The following GPAT3 variants were observed in gnomAD, a reference collection of about 807,000 sequenced individuals.
GPAT3 encodes glycerol-3-phosphate acyltransferase 3.
In GPAT3, 53 loss-of-function variants were observed where a neutral mutation model predicts 58.8. The observed-to-expected ratio is 0.90, with a 90% confidence interval of 0.72 to 1.13. The LOEUF is 1.13. GPAT3 is among the 50% of genes most tolerant of loss of function. The probability of loss-of-function intolerance (pLI) is 0.00; values close to 1 mark genes in which losing one functional copy is unlikely to be tolerated. For synonymous variants in GPAT3, 197 were observed against 187.4 expected, an observed-to-expected ratio of 1.05 and a Z score of -0.42; for missense variants, 511 against 527.6, an observed-to-expected ratio of 0.97 and a Z score of 0.31.
intron 2 of GPAT3, among the ~76,000 whole-genome samples, chr4:83,564,429 T>A (rs978743297): frequency 6.6e-6 from 1 of 152,146 alleles, no homozygotes; most frequent in African/African-American, 2.4e-5. Context: ...GTGGGTGTAG[T>A]AGTTCATGCC....
Position 83,562,236 on chromosome 4 carries a change from A to ATATATATATATAATATATATATT in GPAT3, c.208+17634_208+17635insTATATATATATAATATATATATT, listed in dbSNP as rs1189594840. 4.0e-5 allele frequency among the ~76,000 whole-genome samples: 3 copies of ATATATATATATAATATATATATT among 74,124 alleles called. No individual in the cohort carries two copies. The South Asian group carries it at 1.4e-3, about 34-fold the overall frequency. 48.6% of individuals were successfully genotyped at this position (74,124 alleles called of 152,430 possible). ...TTATATATATATATAATATATATAT[A>ATATATATATATAATATATATATT]ATATATATATATAAAATATAGTTTG... On this transcript the variant is annotated intron_variant, in intron 2 of 11. Transcript: ENST00000264409.
intron 2 of GPAT3, among the ~76,000 whole-genome samples, chr4:83,579,020 T>C (rs1297179297): frequency 8.9e-5 from 1 of 11,240 alleles, no homozygotes; most frequent in Admixed American, 1.2e-3. Context: ...TTCTTTCCCT[T>C]TCTTTCTTTC....
rs764042289 is a variant in GPAT3 at position 83,594,952 on chromosome 4, T to C, written c.846T>C (p.Val282=). 6.2e-7 allele frequency: 1 copy of C among 1,613,580 alleles called. No individual in the cohort carries two copies. Among genetic ancestry groups the C allele is most frequent in the Non-Finnish European group, 8.5e-7 (1 of 1,179,572 alleles). ...ERSEMKDRHL[V]TKRLKEHIAD... ...CAGAAATGAAGGATCGACACCTGGT[T>C]ACTAAGAGGTAAGCAGTGAAATTAC... The change falls in exon 7 of 12, where the codon GTT becomes GTC. Residue 282 remains valine, a synonymous_variant. Coordinates refer to ENST00000264409, the MANE Select transcript of GPAT3 (RefSeq NM_032717.5).
intron 7 of GPAT3, among the ~76,000 whole-genome samples, chr4:83,596,197 T>G (rs541656285): frequency 2.6e-5 from 4 of 152,308 alleles, no homozygotes; most frequent in African/African-American, 9.6e-5. Context: ...ATTCCCATTT[T>G]TCAGATGAGG....
chr4:83,536,312 C>T lies in GPAT3; in HGVS notation c.-311C>T. The T allele has an allele frequency of 9.1e-7, 1 of 1,094,630 alleles. No individual in the cohort carries two copies. Among genetic ancestry groups the T allele is most frequent in the Non-Finnish European group, 1.1e-6 (1 of 900,578 alleles). 67.8% of individuals were successfully genotyped at this position (1,094,630 alleles called of 1,614,324 possible). A position where few individuals can be genotyped will look rare whatever the true frequency, so the allele number is the denominator to read the frequency against. On this transcript the variant is annotated 5_prime_UTR_variant, in exon 1 of 12. Transcript: ENST00000264409. Reference sequence around the variant, plus strand: ...CGCGCTCTGCCCGCGCCGCGGTGTGCCTCCGCTTACCCGCAGCTCCGACCA... The same window carrying T: ...CGCGCTCTGCCCGCGCCGCGGTGTGTCTCCGCTTACCCGCAGCTCCGACCA...
At chr4:83,581,523 C>A in intron 2 of GPAT3, 39 bp from the exon 3 acceptor site, 1 of 1,586,910 alleles carries the variant, frequency 6.3e-7, no homozygotes, top group Non-Finnish European at 8.6e-7. Flanking sequence ...ATTCTTCTGT[C>A]GTATGGCATT....
In GPAT3 at chr4:83,583,664, T is replaced by A. The variant is rs1391266627; in HGVS notation, c.479+1832T>A. The stretch of plus-strand genomic sequence containing the variant: ...CCTGGGTGACAGAGCGAGACTCTTG[T>A]CTGAAAAAAAAAAAAAAAAAAAAAA... On this transcript the variant is annotated intron_variant, in intron 3 of 11. Transcript: ENST00000264409. 5.2e-5 allele frequency among the ~76,000 whole-genome samples: 4 copies of A among 76,646 alleles called. No homozygotes were observed. In the East Asian group the frequency reaches 1.0e-3, roughly 20 times the overall value. 50.3% of individuals were successfully genotyped at this position (76,646 alleles called of 152,430 possible). A position where few individuals can be genotyped will look rare whatever the true frequency, so the allele number is the denominator to read the frequency against.
chr4:83,582,485 G>A (rs183460552), intron 3 of GPAT3, among the ~76,000 whole-genome samples: 1 of 152,336 alleles, frequency 6.6e-6, no homozygotes, highest in Admixed American at 6.5e-5. Context: ...GTGGTGGGAT[G>A]AAGCTGTAAG....
intron 11 of GPAT3, among the ~76,000 whole-genome samples, chr4:83,599,459 T>C (rs1006238788): frequency 3.3e-5 from 5 of 152,178 alleles, no homozygotes; most frequent in Non-Finnish European, 5.9e-5. Flanking sequence ...AACACCTAGC[T>C]GCAAAGGAAG....
intron 1 of GPAT3, 93 bp from the exon 2 acceptor site, chr4:83,544,443 G>A: frequency 8.0e-7 from 1 of 1,250,320 alleles, no homozygotes; most frequent in African/African-American, 1.5e-5. Context: ...GCCAGAGCTT[G>A]ATGTGTAATT....
intron 2 of GPAT3, among the ~76,000 whole-genome samples, chr4:83,563,780 C>CA (rs1176492135): frequency 6.6e-6 from 1 of 152,122 alleles, no homozygotes; most frequent in East Asian, 1.9e-4. Context: ...TGTACCCGGC[C>CA]AAGTGTTTAT....
chr4:83,581,246 T>G (rs947483669), intron 2 of GPAT3, among the ~76,000 whole-genome samples: 6 of 150,940 alleles, frequency 4.0e-5, no homozygotes, highest in Non-Finnish European at 7.4e-5. Flanking sequence ...GGGGAGAATT[T>G]TGTGTGTGTG....
At chr4:83,548,816 C>T (rs995945714) in intron 2 of GPAT3, among the ~76,000 whole-genome samples, 1 of 152,116 alleles carries the variant, frequency 6.6e-6, no homozygotes. Flanking sequence ...CAAGTCTCTG[C>T]CCCTTTGCCC....
intron 1 of GPAT3, among the ~76,000 whole-genome samples, chr4:83,541,209 T>C (rs1165772077): frequency 1.3e-5 from 2 of 152,118 alleles, no homozygotes; most frequent in Non-Finnish European, 2.9e-5. Flanking sequence ...ATGTCTGCTT[T>C]TTCAACCTTA....
At chr4:83,577,928 T>C (rs945606894) in intron 2 of GPAT3, among the ~76,000 whole-genome samples, 1 of 150,896 alleles carries the variant, frequency 6.6e-6, no homozygotes, top group African/African-American at 2.4e-5. Flanking sequence ...GCCTCCCCAG[T>C]AGCCGGGATT....
chr4:83,587,357 A>AT, intron 4 of GPAT3, 28 bp downstream of exon 4: 1 of 1,576,608 alleles, frequency 6.3e-7, no homozygotes, highest in Non-Finnish European at 8.7e-7. Context: ...ATCCAGCCAT[A>AT]TATAGGACTG....
At chr4:83,570,952 G>A (rs1725582763) in intron 2 of GPAT3, among the ~76,000 whole-genome samples, 1 of 152,092 alleles carries the variant, frequency 6.6e-6, no homozygotes, top group African/African-American at 2.4e-5. Context: ...GTTCTCTTAA[G>A]CCCCTGCTCA....
intron 2 of GPAT3, among the ~76,000 whole-genome samples, chr4:83,548,411 G>A (rs962712818): frequency 9.2e-5 from 14 of 152,110 alleles, no homozygotes; most frequent in South Asian, 2.1e-4. Flanking sequence ...AGTTTGAATC[G>A]GCTCATAGCT....
chr4:83,537,621 GTGTGTA>G (rs1185003094), intron 1 of GPAT3, among the ~76,000 whole-genome samples: 2 of 141,128 alleles, frequency 1.4e-5, no homozygotes, highest in East Asian at 2.0e-4. Context: ...GTGTGTGTGT[GTGTGTA>G]TATTTAACAT....
Sources: allele counts gnomAD v4.1 joint callset (sites outside exome capture counted in the v4.1 genomes callset), GRCh38; gene constraint gnomAD v4.1.1; transcripts MANE v1.5; gene names NCBI Gene and HGNC (gene_info 2026-07-23, HGNC 2026-07-21).